The following ABL2 variants were observed in gnomAD, a reference collection of about 807,000 sequenced individuals.
ABL2 encodes ABL proto-oncogene 2, non-receptor tyrosine kinase.
A neutral mutation model predicts 107.7 loss-of-function variants in ABL2; 49 were observed. That is an observed-to-expected ratio of 0.45 (90% confidence interval 0.36 to 0.58). ABL2 has a LOEUF of 0.58. Among genes scored for constraint, ABL2 ranks in the 20% least tolerant of loss-of-function variants. The probability of loss-of-function intolerance (pLI) is 0.00; values close to 1 mark genes in which losing one functional copy is unlikely to be tolerated. For synonymous variants in ABL2, 549 were observed against 548.6 expected, an observed-to-expected ratio of 1.00 and a Z score of -0.01; for missense variants, 1,245 against 1,457.0, an observed-to-expected ratio of 0.85 and a Z score of 2.37.
chr1:179,113,703 C>A (rs998007101), intron 9 of ABL2, among the ~76,000 whole-genome samples: 2 of 151,832 alleles, frequency 1.3e-5, no homozygotes, highest in African/African-American at 4.8e-5. Context: ...CCGAGGCAGG[C>A]GGATCACGAG....
intron 6 of ABL2, among the ~76,000 whole-genome samples, chr1:179,118,968 T>C (rs114281554): frequency 3.7e-4 from 57 of 152,324 alleles, no homozygotes; most frequent in African/African-American, 1.2e-3. Context: ...TATTGTTCTC[T>C]GGGAATTCAT....
chr1:179,218,472 C>T (rs1662701196), intron 1 of ABL2, among the ~76,000 whole-genome samples: 1 of 152,220 alleles, frequency 6.6e-6, no homozygotes, highest in Admixed American at 6.5e-5. Flanking sequence ...TCTCGGCTCA[C>T]TGCAGCCTCT....
intron 1 of ABL2, chr1:179,183,950 G>T: frequency 3.7e-6 from 1 of 268,108 alleles, no homozygotes; most frequent in South Asian, 4.9e-5. Flanking sequence ...TTGCCGAAGA[G>T]AGAAAAAGAA....
In ABL2 at chr1:179,125,828, C is replaced by T. The variant is rs184415101; in HGVS notation, c.687+549G>A. Among the ~76,000 whole-genome samples, 427 of 152,318 alleles carry T rather than the reference C, an allele frequency of 2.8e-3. 1 individual carries two copies. Among genetic ancestry groups the T allele is most frequent in the African/African-American group, 8.9e-3 (371 of 41,572 alleles). On this transcript the variant is annotated intron_variant, in intron 4 of 11. Transcript: ENST00000502732. ...AATTTACTGCTCAACAGATAACCAA[C>T]GGACATAAGCTCATGCTCTGTAGTT...
chr1:179,216,749 T>G (rs1452419700), intron 1 of ABL2, among the ~76,000 whole-genome samples: 1 of 151,872 alleles, frequency 6.6e-6, no homozygotes, highest in Non-Finnish European at 1.5e-5. Context: ...TGCAGTGGCG[T>G]GATCTGGGCC....
Position 179,118,755 on chromosome 1 carries a change from G to C in ABL2, c.1055C>G (p.Thr352Ser), listed in dbSNP as rs1241392884. The stretch of plus-strand genomic sequence containing the variant: ...CACAATGTAAAATGGTGGCTCCAAA[G>C]TACACACACCTAAAAGTTGAACAAT... ...PNLVQLLGVC[T>S]LEPPFYIVTE... The change falls in exon 7 of 12, where the codon ACT becomes AGT. Residue 352 changes from threonine (T) to serine (S), a missense_variant. Coordinates refer to ENST00000502732, the MANE Select transcript of ABL2 (RefSeq NM_007314.4). The C allele has an allele frequency of 6.2e-7, 1 of 1,613,816 alleles. No homozygotes were observed. The highest frequency in any genetic ancestry group is 8.5e-7 in the Non-Finnish European group (1 of 1,179,904).
intron 1 of ABL2, among the ~76,000 whole-genome samples, chr1:179,162,049 G>C (rs1421136638): frequency 6.6e-6 from 1 of 152,074 alleles, no homozygotes; most frequent in Non-Finnish European, 1.5e-5. Flanking sequence ...TCTGAGAAAT[G>C]AATTTCTGTT....
At chr1:179,181,683 ATTCT>A (rs1160160844) in intron 1 of ABL2, among the ~76,000 whole-genome samples, 11 of 152,314 alleles carry the variant, frequency 7.2e-5, no homozygotes, top group Admixed American at 3.3e-4. Context: ...TTTCCAGCTC[ATTCT>A]TTCTAATACA....
chr1:179,154,277 T>A (rs1399817962), intron 1 of ABL2, among the ~76,000 whole-genome samples: 1 of 152,234 alleles, frequency 6.6e-6, no homozygotes, highest in African/African-American at 2.4e-5. Flanking sequence ...CCAATGAGTT[T>A]GTGATTTTTA....
At chr1:179,189,519 G>C (rs1052586371) in intron 1 of ABL2, among the ~76,000 whole-genome samples, 1 of 152,130 alleles carries the variant, frequency 6.6e-6, no homozygotes, top group African/African-American at 2.4e-5. Context: ...CCCTACTCTT[G>C]TATCATATTA....
chr1:179,169,609 A>T (rs1190799566), intron 1 of ABL2, among the ~76,000 whole-genome samples: 1 of 152,136 alleles, frequency 6.6e-6, no homozygotes, highest in East Asian at 1.9e-4. Flanking sequence ...AAGTGGGGAA[A>T]GTCAAATACA....
intron 1 of ABL2, among the ~76,000 whole-genome samples, chr1:179,161,224 T>C (rs6672395): frequency 0.14 from 20,704 of 152,068 alleles, 1,544 homozygotes; most frequent in East Asian, 0.23. Context: ...TAATGCTAAT[T>C]TTCAAGATTT....
At chr1:179,199,596 CTAATT>C (rs896194279) in intron 1 of ABL2, among the ~76,000 whole-genome samples, 3 of 152,238 alleles carry the variant, frequency 2.0e-5, no homozygotes, top group South Asian at 4.1e-4. Flanking sequence ...TATACAGTAT[CTAATT>C]TAATTCTCAA....
At chr1:179,199,858 G>A (rs1318832925) in intron 1 of ABL2, among the ~76,000 whole-genome samples, 5 of 148,390 alleles carry the variant, frequency 3.4e-5, no homozygotes, top group Admixed American at 2.7e-4. Flanking sequence ...TCAGCCTCCC[G>A]AGCAGCTGGG....
intron 1 of ABL2, among the ~76,000 whole-genome samples, chr1:179,155,093 T>A (rs1658600962): frequency 6.6e-6 from 1 of 152,212 alleles, no homozygotes; most frequent in African/African-American, 2.4e-5. Flanking sequence ...ACTAGGTCTT[T>A]TCTAATTCCA....
Position 179,126,706 on chromosome 1 carries a change from G to A in ABL2, c.392-34C>T, listed in dbSNP as rs372043437. On this transcript the variant is annotated intron_variant, in intron 3 of 11. Coordinates refer to ENST00000502732, the MANE Select transcript of ABL2 (RefSeq NM_007314.4). The surrounding 1 kb of genome is among the most constrained non-coding windows in gnomAD (Gnocchi z 4.4). ...AAGGTCATCACAGGATGAAAGAAAC[G>A]ATGTTAAGACTTTATTTCAACTGAA... is the stretch of plus-strand genomic sequence containing the variant. The A allele has an allele frequency of 1.2e-5, 19 of 1,569,300 alleles. No homozygotes were observed. The highest frequency in any genetic ancestry group is 1.2e-5 in the Non-Finnish European group (14 of 1,148,746).
Position 179,102,846 on chromosome 1 carries a change from GAAAAA to G in ABL2, c.*4867_*4871del, listed in dbSNP as rs1390846402. On this transcript the variant is annotated 3_prime_UTR_variant, in exon 12 of 12. Transcript: ENST00000502732. ...AATTCAGCTATTCTTTTTAGAAAAA[GAAAAA>G]AAAGATGACAAATGTCAATGTCATT... 1 of 224,172 alleles carries G rather than the reference GAAAAA, an allele frequency of 4.5e-6. No homozygotes were observed. Among genetic ancestry groups the G allele is most frequent in the South Asian group, 1.8e-4 (1 of 5,424 alleles). 13.9% of individuals were successfully genotyped at this position (224,172 alleles called of 1,614,324 possible). A position where few individuals can be genotyped will look rare whatever the true frequency, so the allele number is the denominator to read the frequency against.
chr1:179,117,653 T>TA, intron 7 of ABL2, 137 bp from the exon 8 acceptor site: 1 of 772,632 alleles, frequency 1.3e-6, no homozygotes, highest in Non-Finnish European at 2.1e-6. Flanking sequence ...TGATAATCAC[T>TA]AACACCTTAG....
intron 1 of ABL2, among the ~76,000 whole-genome samples, chr1:179,188,870 T>C (rs1660837581): frequency 1.3e-5 from 2 of 152,170 alleles, no homozygotes; most frequent in Admixed American, 6.5e-5. Context: ...TAAAAGTATA[T>C]TTAAACTGAG....
Sources: allele counts gnomAD v4.1 joint callset (sites outside exome capture counted in the v4.1 genomes callset), GRCh38; gene constraint gnomAD v4.1.1; non-coding constraint Gnocchi (gnomAD v3.1); transcripts MANE v1.5; gene names NCBI Gene and HGNC (gene_info 2026-07-23, HGNC 2026-07-21).